Variants in ERBB4 observed in about 807,000 individuals in gnomAD.
The protein encoded by ERBB4 is receptor tyrosine-protein kinase erbB-4.
In ERBB4, 42 loss-of-function variants were observed where a neutral mutation model predicts 158.0. The observed-to-expected ratio is 0.27, with a 90% CI of 0.21 to 0.34. The LOEUF is 0.34. Ranked by LOEUF, ERBB4 falls within the 10% of genes least tolerant of loss-of-function variation. ERBB4 has a pLI of 1.00. For synonymous variants in ERBB4, 583 were observed against 558.7 expected (o/e 1.04, Z -0.61); for missense variants, 1,333 against 1,624.1 (o/e 0.82, Z 3.08).
intron 1 of ERBB4, among the ~76,000 whole-genome samples, chr2:212,270,147 G>A (rs2085291879): frequency 1.3e-5 from 2 of 151,710 alleles, no homozygotes; most frequent in African/African-American, 4.8e-5. Context: ...TTAATAATAT[G>A]CAATATACAC....
At chr2:212,345,033 G>C (rs2088915481) in intron 1 of ERBB4, among the ~76,000 whole-genome samples, 1 of 151,898 alleles carries the variant, frequency 6.6e-6, no homozygotes, top group Non-Finnish European at 1.5e-5. Flanking sequence ...AGGCCGAGAT[G>C]GGCGGATCAC....
intron 1 of ERBB4, among the ~76,000 whole-genome samples, chr2:212,338,740 T>C (rs888738907): frequency 1.3e-5 from 2 of 152,140 alleles, no homozygotes; most frequent in Non-Finnish European, 2.9e-5. Context: ...TAATTATTCA[T>C]AAAAGAAAAT....
intron 1 of ERBB4, among the ~76,000 whole-genome samples, chr2:212,537,694 G>A (rs1399782338): frequency 6.6e-6 from 1 of 151,566 alleles, no homozygotes; most frequent in East Asian, 1.9e-4. Context: ...TCTTCCCGGA[G>A]CCAAACACGG....
chr2:211,791,779 A>C (rs2076283980), intron 3 of ERBB4, among the ~76,000 whole-genome samples: 1 of 151,898 alleles, frequency 6.6e-6, no homozygotes, highest in Non-Finnish European at 1.5e-5. Flanking sequence ...GACATCGATG[A>C]AAAAAGTATC....
chr2:211,921,438 C>T (rs899163586), intron 3 of ERBB4, among the ~76,000 whole-genome samples: 4 of 151,930 alleles, frequency 2.6e-5, no homozygotes, highest in Non-Finnish European at 4.4e-5. Context: ...AAACCAAAAA[C>T]AAAGCCAAAG....
intron 9 of ERBB4, among the ~76,000 whole-genome samples, chr2:211,710,647 G>T (rs530486796): frequency 6.6e-6 from 1 of 152,226 alleles, no homozygotes; most frequent in African/African-American, 2.4e-5. Flanking sequence ...ATTCCCACGT[G>T]TTGTGGGAGG....
chr2:211,606,103 T>C (rs768291235), intron 19 of ERBB4, among the ~76,000 whole-genome samples: 10 of 152,218 alleles, frequency 6.6e-5, no homozygotes, highest in Non-Finnish European at 1.3e-4. Context: ...CTCTGTACAA[T>C]AGACAAAGTA....
Position 211,392,944 on chromosome 2 carries a change from C to T in ERBB4, c.3136-4952G>A, listed in dbSNP as rs555252832. ...TGCTGGGATTACAGACGTGAGCCAC[C>T]GCGCCCGGCTGGCTCTCATTCTTTA... On this transcript the variant is annotated intron_variant, in intron 25 of 27. Transcript: ENST00000342788. Among the ~76,000 whole-genome samples the T allele has an allele frequency of 1.2e-4, 18 of 152,202 alleles. No individual in the cohort carries two copies. The East Asian group carries it at 2.3e-3, about 20-fold the overall frequency.
At chr2:211,642,782 T>C (rs2105857409) in intron 16 of ERBB4, among the ~76,000 whole-genome samples, 1 of 152,206 alleles carries the variant, frequency 6.6e-6, no homozygotes, top group Non-Finnish European at 1.5e-5. Flanking sequence ...AATCAACCCT[T>C]GAAAGCACAT....
At position 211,383,358 on chromosome 2, in the gene ERBB4, T is replaced by C; in HGVS notation, c.*257A>G. The C allele has an allele frequency of 2.1e-6, 1 of 474,484 alleles. No homozygotes were observed. The highest frequency in any genetic ancestry group is 3.8e-6 in the Non-Finnish European group (1 of 262,676). The allele number at this position is 474,484 out of a possible 1,614,324, so 29.4% of individuals were successfully genotyped here. On this transcript the variant is annotated 3_prime_UTR_variant, in exon 28 of 28. Transcript: ENST00000342788. ...ATTGCCTTACATTTTCTGGTCCTTC[T>C]CTAGCTGTTTCATTCTCCTGACCAA...
intron 12 of ERBB4, among the ~76,000 whole-genome samples, chr2:211,682,534 G>T (rs552366521): frequency 1.3e-5 from 2 of 152,220 alleles, no homozygotes; most frequent in South Asian, 2.1e-4. Flanking sequence ...CAGTTAGGTT[G>T]ATATATAAAA....
intron 16 of ERBB4, among the ~76,000 whole-genome samples, chr2:211,635,000 C>T (rs999362672): frequency 3.9e-5 from 6 of 152,074 alleles, no homozygotes; most frequent in African/African-American, 1.4e-4. Flanking sequence ...TGTGAATCAG[C>T]GGAAGCGATA....
chr2:212,002,939 T>C (rs1193083987), intron 2 of ERBB4, among the ~76,000 whole-genome samples: 1 of 151,016 alleles, frequency 6.6e-6, no homozygotes, highest in Non-Finnish European at 1.5e-5. Flanking sequence ...TGGGAACCTG[T>C]AATTCCAGAC....
chr2:211,627,770 A>G (rs1173703934), intron 17 of ERBB4, among the ~76,000 whole-genome samples: 1 of 152,214 alleles, frequency 6.6e-6, no homozygotes, highest in African/African-American at 2.4e-5. Flanking sequence ...GGAGAAAGGT[A>G]AGATGGAAGT....
At chr2:211,939,957 G>GAAAAAAA (rs60601231) in intron 3 of ERBB4, among the ~76,000 whole-genome samples, 6 of 138,388 alleles carry the variant, frequency 4.3e-5, no homozygotes, top group Non-Finnish European at 9.5e-5. Context: ...AAAAAAAAAG[G>GAAAAAAA]AAAAAAAAAA....
At chr2:211,408,881 T>G (rs2063198685) in intron 25 of ERBB4, among the ~76,000 whole-genome samples, 1 of 152,228 alleles carries the variant, frequency 6.6e-6, no homozygotes, top group Non-Finnish European at 1.5e-5. Flanking sequence ...CTGTCACTTA[T>G]TTTTGTGAAT....
intron 1 of ERBB4, among the ~76,000 whole-genome samples, chr2:212,360,772 G>A (rs2089657491): frequency 6.6e-6 from 1 of 151,578 alleles, no homozygotes; most frequent in South Asian, 2.1e-4. Flanking sequence ...CTCTTTCAGT[G>A]TGTCTAAAAT....
At chr2:211,864,352 T>A (rs1218067822) in intron 3 of ERBB4, among the ~76,000 whole-genome samples, 1 of 152,186 alleles carries the variant, frequency 6.6e-6, no homozygotes, top group African/African-American at 2.4e-5. Flanking sequence ...TGAAAGTGAC[T>A]GCTTTCCTGC....
chr2:211,546,247 A>G (rs1179605748), intron 20 of ERBB4, among the ~76,000 whole-genome samples: 2 of 152,136 alleles, frequency 1.3e-5, no homozygotes. Flanking sequence ...GAATGACTCT[A>G]TATTCAAAAT....
Sources: allele counts gnomAD v4.1 joint callset (sites outside exome capture counted in the v4.1 genomes callset), GRCh38; gene constraint gnomAD v4.1.1; transcripts MANE v1.5; gene names NCBI Gene and HGNC (gene_info 2026-07-23, HGNC 2026-07-21).